The following THRB variants were observed in gnomAD, a reference collection of about 807,000 sequenced individuals.
THRB encodes the protein thyroid hormone receptor beta.
Under a neutral mutation model 47.8 loss-of-function variants are expected in THRB, and 12 were observed. The ratio of observed to expected loss-of-function variants is 0.25; its 90% confidence interval spans 0.16 to 0.41. The LOEUF is 0.41. Among genes scored for constraint, THRB ranks in the 10% least tolerant of loss-of-function variants. The probability of loss-of-function intolerance (pLI) is 1.00; values close to 1 mark genes in which losing one functional copy is unlikely to be tolerated. For missense variants in THRB, 348 were observed against 589.2 expected (o/e 0.59, Z 4.24); for synonymous variants, 218 against 212.2 (o/e 1.03, Z -0.24).
At chr3:24,385,442 C>T (rs557765068) in intron 1 of THRB, among the ~76,000 whole-genome samples, 10 of 152,062 alleles carry the variant, frequency 6.6e-5, no homozygotes, top group Middle Eastern at 3.4e-3. Context: ...CACACACGCA[C>T]GGCATTTGTG....
At chr3:24,299,173 G>A (rs760978717) in intron 2 of THRB, among the ~76,000 whole-genome samples, 9 of 149,630 alleles carry the variant, frequency 6.0e-5, no homozygotes, top group South Asian at 2.1e-4. Context: ...GCGTGAACCC[G>A]GGAGGCTGAT....
intron 1 of THRB, among the ~76,000 whole-genome samples, chr3:24,395,899 A>G (rs1478423627): frequency 6.6e-6 from 1 of 152,104 alleles, no homozygotes; most frequent in African/African-American, 2.4e-5. Flanking sequence ...AACAAAATGT[A>G]GAATTATATG....
At chr3:24,276,762 C>T (rs952887697) in intron 3 of THRB, among the ~76,000 whole-genome samples, 1 of 152,202 alleles carries the variant, frequency 6.6e-6, no homozygotes, top group Non-Finnish European at 1.5e-5. Flanking sequence ...GCAGAAAACA[C>T]CTGGTGGACC....
intron 1 of THRB, among the ~76,000 whole-genome samples, chr3:24,362,629 T>C (rs2064156392): frequency 6.6e-6 from 1 of 152,204 alleles, no homozygotes; most frequent in African/African-American, 2.4e-5. Flanking sequence ...TTTTGTTGAT[T>C]ATAGTGTCTC....
At chr3:24,270,965 C>T (rs543797824) in intron 3 of THRB, among the ~76,000 whole-genome samples, 2 of 152,192 alleles carry the variant, frequency 1.3e-5, no homozygotes, top group Non-Finnish European at 2.9e-5. Flanking sequence ...GGCTCCCCCC[C>T]TTTCCAAAAT....
intron 4 of THRB, among the ~76,000 whole-genome samples, chr3:24,193,571 C>T (rs1221914960): frequency 7.9e-5 from 12 of 152,158 alleles, no homozygotes; most frequent in East Asian, 1.9e-4. Flanking sequence ...TACTGAGTGA[C>T]GCCTTAAAAG....
At chr3:24,256,547 T>G (rs1402743177) in intron 3 of THRB, among the ~76,000 whole-genome samples, 1 of 152,094 alleles carries the variant, frequency 6.6e-6, no homozygotes, top group African/African-American at 2.4e-5. Flanking sequence ...AGTAATTTGT[T>G]TTTGAGAGAG....
At chr3:24,266,184 C>A (rs2052629794) in intron 3 of THRB, among the ~76,000 whole-genome samples, 1 of 152,100 alleles carries the variant, frequency 6.6e-6, no homozygotes, top group Admixed American at 6.6e-5. Flanking sequence ...TCTCTGCCCT[C>A]TTTTAACACT....
intron 5 of THRB, among the ~76,000 whole-genome samples, chr3:24,175,321 A>T (rs73037618): frequency 2.0e-5 from 3 of 152,324 alleles, no homozygotes; most frequent in Non-Finnish European, 4.4e-5. Flanking sequence ...TGCTGATTAA[A>T]GACTGGAGTC....
intron 1 of THRB, among the ~76,000 whole-genome samples, chr3:24,416,253 C>T (rs2068723200): frequency 6.6e-6 from 1 of 151,738 alleles, no homozygotes; most frequent in African/African-American, 2.4e-5. Flanking sequence ...AGAAGAGATA[C>T]TTGAATCCAG....
intron 3 of THRB, among the ~76,000 whole-genome samples, chr3:24,233,033 A>G (rs865808700): frequency 3.4e-4 from 52 of 152,296 alleles, no homozygotes; most frequent in African/African-American, 1.2e-3. Context: ...TTCCTCTGCC[A>G]GTTCTACCTG....
chr3:24,431,888 G>A (rs1352712903), intron 1 of THRB, among the ~76,000 whole-genome samples: 1 of 152,028 alleles, frequency 6.6e-6, no homozygotes, highest in Admixed American at 6.6e-5. Flanking sequence ...GCAAGTTGTA[G>A]GAACATATAT....
intron 2 of THRB, among the ~76,000 whole-genome samples, chr3:24,308,440 G>A (rs1289298687): frequency 6.6e-6 from 1 of 152,128 alleles, no homozygotes; most frequent in Non-Finnish European, 1.5e-5. Context: ...AATCACTGGT[G>A]GATACAGAAC....
In THRB at chr3:24,143,554, G is replaced by A; in HGVS notation, c.685C>T (p.His229Tyr). The change falls in exon 8 of 11, where the codon CAT (histidine) becomes TAT (tyrosine). Residue 229 changes from histidine (H) to tyrosine (Y), a missense_variant. This residue lies in a region of THRB where 112 missense variants were observed against 212.3 expected (regional missense o/e 0.53). Transcript: ENST00000646209. ...CTGCCTTGGGCGTTGGTCGCCACAT[G>A]GGCTTCGGTGACAGTTTTGATGAGC... is the stretch of plus-strand genomic sequence containing the variant. The part of the protein sequence containing the change: ...WELIKTVTEA[H>Y]VATNAQGSHW... 6.2e-7 allele frequency: 1 copy of A among 1,614,182 alleles called. No individual in the cohort carries two copies. The highest frequency in any genetic ancestry group is 8.5e-7 in the Non-Finnish European group (1 of 1,180,020).
intron 1 of THRB, among the ~76,000 whole-genome samples, chr3:24,339,168 TA>T (rs547878064): frequency 1.5e-3 from 227 of 152,296 alleles, no homozygotes; most frequent in African/African-American, 5.3e-3. Flanking sequence ...TGGACCTCAA[TA>T]TTTTTTTTTG....
At chr3:24,430,641 A>G (rs1485414047) in intron 1 of THRB, 1 of 152,112 alleles carries the variant, frequency 6.6e-6, no homozygotes, top group East Asian at 1.9e-4. Flanking sequence ...GAAAGAAAGA[A>G]AATATAGACT....
intron 1 of THRB, among the ~76,000 whole-genome samples, chr3:24,450,283 G>T (rs1443578039): frequency 6.6e-6 from 1 of 152,166 alleles, no homozygotes; most frequent in African/African-American, 2.4e-5. Context: ...CACTCAAAAA[G>T]AAATTCCTGC....
intron 1 of THRB, chr3:24,494,325 A>C (rs1334808702): frequency 6.6e-6 from 1 of 152,310 alleles, no homozygotes; most frequent in African/African-American, 2.4e-5. Context: ...ACATGTCAAC[A>C]GCTGGGCTTG....
chr3:24,234,203 C>T (rs2048637429), intron 3 of THRB, among the ~76,000 whole-genome samples: 1 of 152,112 alleles, frequency 6.6e-6, no homozygotes, highest in Non-Finnish European at 1.5e-5. Flanking sequence ...TTAATTATAT[C>T]ACTTGCCCCT....
Sources: allele counts gnomAD v4.1 joint callset (sites outside exome capture counted in the v4.1 genomes callset), GRCh38; gene constraint gnomAD v4.1.1; regional missense constraint gnomAD v4.1.1; transcripts MANE v1.5; gene names NCBI Gene and HGNC (gene_info 2026-07-23, HGNC 2026-07-21).